CNTNAP2: variants seen among roughly 807,000 people sequenced by gnomAD.
The protein encoded by CNTNAP2 is contactin associated protein 2, also known as contactin-associated protein-like 2.
Under a neutral mutation model 155.2 loss-of-function variants are expected in CNTNAP2, and 98 were observed. That is an observed-to-expected ratio of 0.63 (90% CI 0.54 to 0.75). The LOEUF (loss-of-function observed/expected upper bound fraction) is 0.75, where lower values mean the gene tolerates loss of function less well. CNTNAP2 is among the 30% of genes least tolerant of loss of function. The pLI is 0.00. For synonymous variants in CNTNAP2, 651 were observed against 631.2 expected, an observed-to-expected ratio of 1.03 and a Z score of -0.47; for missense variants, 1,727 against 1,688.1, an observed-to-expected ratio of 1.02 and a Z score of -0.40.
At chr7:146,156,243 G>A (rs955440688) in intron 1 of CNTNAP2, among the ~76,000 whole-genome samples, 1 of 152,116 alleles carries the variant, frequency 6.6e-6, no homozygotes, top group Middle Eastern at 3.2e-3. Flanking sequence ...TAGTCTAAGG[G>A]CTATTATGTT....
chr7:147,372,847 A>G (rs1796369589), intron 9 of CNTNAP2, among the ~76,000 whole-genome samples: 1 of 152,026 alleles, frequency 6.6e-6, no homozygotes, highest in African/African-American at 2.4e-5. Flanking sequence ...GGCCCAGCCA[A>G]TGGAAACCCA....
At chr7:147,077,484 C>T (rs975093688) in intron 4 of CNTNAP2, among the ~76,000 whole-genome samples, 32 of 152,120 alleles carry the variant, frequency 2.1e-4, no homozygotes, top group African/African-American at 6.3e-4. Flanking sequence ...CTTAGGTAGA[C>T]GCAAGATCCC....
At chr7:146,182,069 G>C (rs1301174172) in intron 1 of CNTNAP2, among the ~76,000 whole-genome samples, 1 of 151,966 alleles carries the variant, frequency 6.6e-6, no homozygotes, top group Non-Finnish European at 1.5e-5. Flanking sequence ...AGAGTCTCCA[G>C]TGCTCACAGA....
Position 147,791,399 on chromosome 7 carries a change from C to T in CNTNAP2, c.2099-112166C>T, listed in dbSNP as rs143800737. ...ACATTTTATCTGATTTGTCATACCT[C>T]TTGTTTGATATATATAGTCTTTCTC... On this transcript the variant is annotated intron_variant, in intron 13 of 23. Coordinates refer to ENST00000361727, the MANE Select transcript of CNTNAP2 (RefSeq NM_014141.6). 2.8e-3 allele frequency among the ~76,000 whole-genome samples: 416 copies of T among 149,544 alleles called. 2 individuals carry two copies. The highest frequency in any genetic ancestry group is 7.2e-3 in the Middle Eastern group (2 of 278).
chr7:148,144,032 AC>A (rs1204578352), intron 16 of CNTNAP2, among the ~76,000 whole-genome samples: 1 of 152,198 alleles, frequency 6.6e-6, no homozygotes, highest in Admixed American at 6.5e-5. Context: ...CTCTGGAAAC[AC>A]AGAGATTCCA....
chr7:146,685,904 T>C (rs1192819996), intron 1 of CNTNAP2, among the ~76,000 whole-genome samples: 1 of 152,198 alleles, frequency 6.6e-6, no homozygotes, highest in African/African-American at 2.4e-5. Context: ...CAGTTATGTG[T>C]TCAATGGTAG....
chr7:146,952,104 G>C (rs1188140317), intron 3 of CNTNAP2, among the ~76,000 whole-genome samples: 2 of 151,970 alleles, frequency 1.3e-5, no homozygotes, highest in African/African-American at 4.8e-5. Context: ...TTCATCCCTG[G>C]GATGCAAGGC....
At chr7:147,137,116 C>G (rs1328498635) in intron 8 of CNTNAP2, among the ~76,000 whole-genome samples, 1 of 151,544 alleles carries the variant, frequency 6.6e-6, no homozygotes, top group Non-Finnish European at 1.5e-5. Context: ...AGTTATTTAT[C>G]ACAACATATA....
intron 1 of CNTNAP2, among the ~76,000 whole-genome samples, chr7:146,254,690 G>T (rs1045225515): frequency 6.6e-6 from 1 of 152,064 alleles, no homozygotes; most frequent in Non-Finnish European, 1.5e-5. Flanking sequence ...CAATGTAAAA[G>T]TACTTTAAAA....
At chr7:147,148,824 T>C (rs1162948295) in intron 8 of CNTNAP2, among the ~76,000 whole-genome samples, 2 of 152,208 alleles carry the variant, frequency 1.3e-5, no homozygotes, top group Non-Finnish European at 2.9e-5. Flanking sequence ...CAGTGAGTGT[T>C]ACAGCTCTTA....
In CNTNAP2 at chr7:146,121,089, T is replaced by C. The variant is rs756788732; in HGVS notation, c.97+4116T>C. On this transcript the variant is annotated intron_variant, in intron 1 of 23. Transcript: ENST00000361727. Reference sequence around the variant, plus strand: ...TAAATTCTTCTAGACAAAAACTTACTCAAATGTCTTAAAGTTTACATAAAG... The same window carrying C: ...TAAATTCTTCTAGACAAAAACTTACCCAAATGTCTTAAAGTTTACATAAAG... Among the ~76,000 whole-genome samples the C allele has an allele frequency of 2.0e-3, 292 of 148,244 alleles. 4 individuals carry two copies. The highest frequency in any genetic ancestry group is 3.7e-3 in the Non-Finnish European group (245 of 66,668).
At chr7:147,264,855 T>A (rs1489807562) in intron 8 of CNTNAP2, among the ~76,000 whole-genome samples, 1 of 151,994 alleles carries the variant, frequency 6.6e-6, no homozygotes, top group African/African-American at 2.4e-5. Context: ...CTATTTGAGG[T>A]GAAGCTCAAA....
At chr7:148,284,100 T>A (rs73464133) in intron 21 of CNTNAP2, among the ~76,000 whole-genome samples, 22,186 of 152,246 alleles carry the variant, frequency 0.15, 2,083 homozygotes, top group African/African-American at 0.26. Flanking sequence ...CATTATGTTT[T>A]TATATTATTT....
intron 13 of CNTNAP2, among the ~76,000 whole-genome samples, chr7:147,832,104 T>C (rs1232942863): frequency 4.7e-5 from 7 of 148,528 alleles, no homozygotes; most frequent in African/African-American, 1.7e-4. Context: ...TATATAATTA[T>C]ATAATTTTAT....
chr7:146,994,373 A>G (rs577239630), intron 3 of CNTNAP2, among the ~76,000 whole-genome samples: 1 of 152,238 alleles, frequency 6.6e-6, no homozygotes, highest in South Asian at 2.1e-4. Flanking sequence ...CATTACTGTT[A>G]AAGTTCTCAT....
In CNTNAP2 at chr7:147,293,556, A is replaced by T. The variant is rs573579818; in HGVS notation, c.1349-6585A>T. On this transcript the variant is annotated intron_variant, in intron 8 of 23. Transcript: ENST00000361727. ...TATTCTAGGAAATTTTGCTCTCAAG[A>T]TTGAATATTGATCACAAGACTGAAA... 5.9e-5 allele frequency among the ~76,000 whole-genome samples: 9 copies of T among 152,272 alleles called. No individual in the cohort carries two copies. The East Asian group carries it at 1.7e-3, about 29-fold the overall frequency.
At chr7:148,166,869 G>T (rs1585162816) in intron 17 of CNTNAP2, among the ~76,000 whole-genome samples, 2 of 152,146 alleles carry the variant, frequency 1.3e-5, no homozygotes, top group East Asian at 3.9e-4. Context: ...TTTCTACAGA[G>T]CGCAGAAGTG....
chr7:147,983,439 A>T (rs1278403117), intron 15 of CNTNAP2, among the ~76,000 whole-genome samples: 1 of 134,726 alleles, frequency 7.4e-6, no homozygotes, highest in Admixed American at 8.3e-5. Flanking sequence ...TTGACAAAAA[A>T]AAAATAAAAA....
intron 12 of CNTNAP2, among the ~76,000 whole-genome samples, chr7:147,628,832 T>A (rs1795033114): frequency 7.2e-6 from 1 of 139,442 alleles, no homozygotes; most frequent in African/African-American, 2.7e-5. Flanking sequence ...GCTATTCTTC[T>A]ACCAGGAAAA....
Sources: allele counts gnomAD v4.1 joint callset (sites outside exome capture counted in the v4.1 genomes callset), GRCh38; gene constraint gnomAD v4.1.1; transcripts MANE v1.5; gene names NCBI Gene and HGNC (gene_info 2026-07-23, HGNC 2026-07-21).